PDSS2: variants seen among roughly 807,000 people sequenced by gnomAD.
The protein encoded by PDSS2 is all trans-polyprenyl-diphosphate synthase PDSS2.
Under a neutral mutation model 44.5 loss-of-function variants are expected in PDSS2, and 31 were observed. That is an observed-to-expected ratio of 0.70 (90% CI 0.52 to 0.94). The LOEUF (loss-of-function observed/expected upper bound fraction) is 0.94. Among genes scored for constraint, PDSS2 ranks in the 40% least tolerant of loss-of-function variants. PDSS2 has a pLI of 0.00. For synonymous variants in PDSS2, 157 were observed against 180.3 expected, an observed-to-expected ratio of 0.87 and a Z score of 1.03; for missense variants, 452 against 482.2, an observed-to-expected ratio of 0.94 and a Z score of 0.59.
chr6:107,446,911 T>C (rs1781700983), intron 1 of PDSS2, among the ~76,000 whole-genome samples: 1 of 151,976 alleles, frequency 6.6e-6, no homozygotes, highest in Admixed American at 6.6e-5. Flanking sequence ...TGTGCTCACA[T>C]TTCAAAATGC....
At chr6:107,282,359 T>C (rs989480543) in intron 2 of PDSS2, among the ~76,000 whole-genome samples, 2 of 152,122 alleles carry the variant, frequency 1.3e-5, no homozygotes, top group African/African-American at 4.8e-5. Flanking sequence ...CAGGGATTAG[T>C]GGTAACTACT....
chr6:107,344,121 TA>T (rs1270429187), intron 1 of PDSS2, among the ~76,000 whole-genome samples: 1 of 152,334 alleles, frequency 6.6e-6, no homozygotes, highest in East Asian at 1.9e-4. Context: ...TGGGTCCTAC[TA>T]CTTCACTTTT....
intron 1 of PDSS2, among the ~76,000 whole-genome samples, chr6:107,412,046 C>T (rs1222759819): frequency 6.0e-5 from 9 of 151,116 alleles, no homozygotes; most frequent in Non-Finnish European, 8.8e-5. Flanking sequence ...CCACCACGCC[C>T]GGCTAATTTT....
chr6:107,417,924 T>C (rs1053246940), intron 1 of PDSS2, among the ~76,000 whole-genome samples: 1 of 151,876 alleles, frequency 6.6e-6, no homozygotes, highest in African/African-American at 2.4e-5. Flanking sequence ...TAATCACAGA[T>C]ACAACATTAT....
intron 4 of PDSS2, among the ~76,000 whole-genome samples, chr6:107,241,349 T>C (rs1443293245): frequency 0.021 from 2,751 of 132,788 alleles, 49 homozygotes; most frequent in African/African-American, 0.074. Flanking sequence ...TTCTTCTTTT[T>C]TTTTTTTTTT....
At chr6:107,253,189 C>T (rs1457031468) in intron 3 of PDSS2, among the ~76,000 whole-genome samples, 2 of 152,148 alleles carry the variant, frequency 1.3e-5, no homozygotes, top group African/African-American at 2.4e-5. Context: ...GCGTGCGCCA[C>T]CACGCCTGGC....
intron 1 of PDSS2, among the ~76,000 whole-genome samples, chr6:107,408,802 A>G (rs1357416504): frequency 2.6e-5 from 4 of 152,188 alleles, no homozygotes; most frequent in Non-Finnish European, 5.9e-5. Flanking sequence ...GCTGAGCAAA[A>G]TGAATCAGAG....
At chr6:107,318,734 C>G (rs1777282367) in intron 2 of PDSS2, among the ~76,000 whole-genome samples, 1 of 152,104 alleles carries the variant, frequency 6.6e-6, no homozygotes, top group Non-Finnish European at 1.5e-5. Context: ...GCCTGTAATT[C>G]TCAGCACTTT....
intron 7 of PDSS2, among the ~76,000 whole-genome samples, chr6:107,172,065 G>A (rs1186922938): frequency 6.6e-6 from 1 of 152,108 alleles, no homozygotes; most frequent in Non-Finnish European, 1.5e-5. Context: ...AATTGTATAA[G>A]TGCAGTATCA....
intron 7 of PDSS2, among the ~76,000 whole-genome samples, chr6:107,173,590 A>AC (rs1771682016): frequency 6.7e-6 from 1 of 150,102 alleles, no homozygotes; most frequent in African/African-American, 2.5e-5. Context: ...AAAAAAAAAA[A>AC]AAAAAAACGC....
intron 6 of PDSS2, among the ~76,000 whole-genome samples, chr6:107,208,601 G>A (rs1773087974): frequency 6.7e-6 from 1 of 148,408 alleles, no homozygotes; most frequent in South Asian, 2.2e-4. Flanking sequence ...ACCACACCTG[G>A]CCTGTGACTT....
intron 2 of PDSS2, among the ~76,000 whole-genome samples, chr6:107,294,565 A>C (rs1441883675): frequency 6.6e-6 from 1 of 152,116 alleles, no homozygotes; most frequent in Non-Finnish European, 1.5e-5. Context: ...GCATGTTTAA[A>C]CCATAGACAA....
At chr6:107,344,720 T>C (rs1778187220) in intron 1 of PDSS2, among the ~76,000 whole-genome samples, 1 of 152,096 alleles carries the variant, frequency 6.6e-6, no homozygotes, top group Non-Finnish European at 1.5e-5. Flanking sequence ...CCAGGAACTT[T>C]TCAGAAATGG....
chr6:107,179,058 G>A (rs181728485), intron 7 of PDSS2, among the ~76,000 whole-genome samples: 7 of 152,140 alleles, frequency 4.6e-5, no homozygotes, highest in African/African-American at 1.4e-4. Flanking sequence ...TGCAAAGCAC[G>A]CATACAATGG....
chr6:107,327,193 G>A (rs1038682525), intron 2 of PDSS2, among the ~76,000 whole-genome samples: 6 of 152,156 alleles, frequency 3.9e-5, no homozygotes, highest in African/African-American at 1.2e-4. Flanking sequence ...GCAGTTGGAT[G>A]TGGTCCAGCA....
At chr6:107,442,329 A>G (rs111924661) in intron 1 of PDSS2, among the ~76,000 whole-genome samples, 4,157 of 152,292 alleles carry the variant, frequency 0.027, 75 homozygotes, top group Non-Finnish European at 0.041. Context: ...AGGCAGGAGA[A>G]TCACTCGAAT....
intron 1 of PDSS2, among the ~76,000 whole-genome samples, chr6:107,424,036 C>CTTTTTTTT (rs56318621): frequency 1.1e-5 from 1 of 90,584 alleles, no homozygotes; most frequent in African/African-American, 4.6e-5. Flanking sequence ...TATCTTGCAT[C>CTTTTTTTT]TTTTTTTTTT....
At chr6:107,252,713 G>A (rs1029092952) in intron 3 of PDSS2, among the ~76,000 whole-genome samples, 4 of 152,174 alleles carry the variant, frequency 2.6e-5, no homozygotes, top group African/African-American at 9.7e-5. Context: ...AGGATCACTT[G>A]AGCCCAGGAG....
At chr6:107,242,258 A>AATTATT (rs564020485) in intron 4 of PDSS2, among the ~76,000 whole-genome samples, 1 of 151,620 alleles carries the variant, frequency 6.6e-6, no homozygotes, top group African/African-American at 2.4e-5. Flanking sequence ...TTTTTGAAAA[A>AATTATT]ATTATTATTA....
Sources: allele counts gnomAD v4.1 joint callset (sites outside exome capture counted in the v4.1 genomes callset), GRCh38; gene constraint gnomAD v4.1.1; transcripts MANE v1.5; gene names NCBI Gene and HGNC (gene_info 2026-07-23, HGNC 2026-07-21).